Variants in CYRIA observed in about 807,000 individuals in gnomAD.
CYRIA encodes the protein CYFIP-related Rac1 interactor A.
CYRIA carries 15 observed loss-of-function variants against 43.9 expected under a neutral mutation model. The observed-to-expected ratio is 0.34, with a 90% CI of 0.23 to 0.53. The LOEUF is 0.53. Ranked by LOEUF, CYRIA falls within the 20% of genes least tolerant of loss-of-function variation. The pLI is 0.94. For missense variants in CYRIA, 236 were observed against 394.2 expected, an observed-to-expected ratio of 0.60 and a Z score of 3.40; for synonymous variants, 117 against 136.0, an observed-to-expected ratio of 0.86 and a Z score of 0.97.
In CYRIA at chr2:16,617,682, G is replaced by A. The variant is rs111532828; in HGVS notation, c.-11+6182C>T. On this transcript the variant is annotated intron_variant, in intron 2 of 11. Coordinates refer to ENST00000381323, the MANE Select transcript of CYRIA (RefSeq NM_030797.4). ...GGCTGACAGAGGCCTTGCCTGCTACGAAGAGGTGAGAGGTAATTTATCTCC... is the reference window on the plus strand; with the variant it reads ...GGCTGACAGAGGCCTTGCCTGCTACAAAGAGGTGAGAGGTAATTTATCTCC... Among the ~76,000 whole-genome samples the A allele has an allele frequency of 3.9e-5, 6 of 152,338 alleles. 1 individual carries two copies. Among genetic ancestry groups the A allele is most frequent in the South Asian group, 2.1e-4 (1 of 4,830 alleles).
chr2:16,648,603 T>C (rs1266092635), intron 1 of CYRIA, among the ~76,000 whole-genome samples: 1 of 152,238 alleles, frequency 6.6e-6, no homozygotes, highest in Non-Finnish European at 1.5e-5. Flanking sequence ...CTCTCTAGCA[T>C]GCAGCTGAAA....
At chr2:16,615,561 A>G (rs1156338433) in intron 2 of CYRIA, among the ~76,000 whole-genome samples, 1 of 152,140 alleles carries the variant, frequency 6.6e-6, no homozygotes, top group Non-Finnish European at 1.5e-5. Flanking sequence ...CACTCTTTCT[A>G]CAACCAACAC....
chr2:16,613,770 G>A (rs563144761), intron 2 of CYRIA, among the ~76,000 whole-genome samples: 1 of 152,182 alleles, frequency 6.6e-6, no homozygotes. Context: ...TTTTCTAAAC[G>A]TGATTCCACT....
At chr2:16,590,930 CAA>C (rs1667909700) in intron 2 of CYRIA, among the ~76,000 whole-genome samples, 1 of 152,064 alleles carries the variant, frequency 6.6e-6, no homozygotes, top group African/African-American at 2.4e-5. Flanking sequence ...GGGGGATCTG[CAA>C]AGTGAATTGG....
intron 2 of CYRIA, among the ~76,000 whole-genome samples, chr2:16,611,081 C>T (rs771309584): frequency 3.3e-5 from 5 of 151,602 alleles, no homozygotes; most frequent in Admixed American, 2.6e-4. Flanking sequence ...GTGACTAGGC[C>T]GGGGGCCGTG....
intron 1 of CYRIA, among the ~76,000 whole-genome samples, chr2:16,644,934 A>T (rs1669779334): frequency 6.6e-6 from 1 of 152,204 alleles, no homozygotes; most frequent in African/African-American, 2.4e-5. Flanking sequence ...CCTCTTAAAG[A>T]CAAGACTTAT....
chr2:16,576,491 C>G (rs1558409615), intron 3 of CYRIA, among the ~76,000 whole-genome samples: 13 of 152,086 alleles, frequency 8.5e-5, no homozygotes. Flanking sequence ...ATTATTTCAC[C>G]CTGTCTTGGA....
In CYRIA at chr2:16,560,794, T is replaced by G. The variant is rs550565348; in HGVS notation, c.710+196A>C. The G allele has an allele frequency of 3.6e-4, 216 of 593,636 alleles. 2 individuals are homozygous for G. The South Asian group carries it at 4.2e-3, about 12-fold the overall frequency. The allele number at this position is 593,636 out of a possible 1,614,324, so 36.8% of individuals were successfully genotyped here. ...TTGTTGGGAAGTCAGTCAACCACTT[T>G]GGGCCTCAGCTTCTTCAGCTATGCA... On this transcript the variant is annotated intron_variant, in intron 9 of 11. Transcript: ENST00000381323.
chr2:16,574,563 G>T (rs966064788), intron 3 of CYRIA, among the ~76,000 whole-genome samples: 1 of 152,178 alleles, frequency 6.6e-6, no homozygotes, highest in African/African-American at 2.4e-5. Context: ...CCAGGCCCAT[G>T]GTCCCTCTGC....
At chr2:16,555,258 A>G (rs977336911) in intron 10 of CYRIA, 119 bp from the exon 11 acceptor site, 12 of 943,132 alleles carry the variant, frequency 1.3e-5, no homozygotes, top group Non-Finnish European at 1.9e-5. Context: ...AATCCAACGC[A>G]GAAATGACCA....
rs185565936 is a variant in CYRIA, at chr2:16,560,703, T to A, written c.710+287A>T. The A allele has an allele frequency of 8.1e-4, 364 of 449,110 alleles. 5 individuals are homozygous for A. The Admixed American group carries it at 0.011, about 14-fold the overall frequency. The allele number at this position is 449,110 out of a possible 1,614,324, so 27.8% of individuals were successfully genotyped here. ...ATCATTTAACACACCCTCCATTTGGTTCTTACAGATCTTCTACAGCATCTG... is the reference window on the plus strand; with the variant it reads ...ATCATTTAACACACCCTCCATTTGGATCTTACAGATCTTCTACAGCATCTG... On this transcript the variant is annotated intron_variant, in intron 9 of 11. Coordinates refer to ENST00000381323, the MANE Select transcript of CYRIA (RefSeq NM_030797.4).
intron 3 of CYRIA, among the ~76,000 whole-genome samples, chr2:16,583,911 A>G (rs1464510613): frequency 1.3e-5 from 2 of 152,220 alleles, no homozygotes; most frequent in Non-Finnish European, 1.5e-5. Context: ...CAACAGGAAT[A>G]CCTAAGGACA....
intron 3 of CYRIA, among the ~76,000 whole-genome samples, chr2:16,570,983 A>G (rs1667109405): frequency 6.6e-6 from 1 of 152,192 alleles, no homozygotes; most frequent in African/African-American, 2.4e-5. Flanking sequence ...TGTGATTTAC[A>G]TGGGCAGTTT....
intron 2 of CYRIA, among the ~76,000 whole-genome samples, chr2:16,621,606 G>T (rs556017536): frequency 3.1e-4 from 47 of 152,156 alleles, no homozygotes; most frequent in Non-Finnish European, 6.3e-4. Context: ...CATTCCTTCT[G>T]CTCCAATCCT....
intron 2 of CYRIA, among the ~76,000 whole-genome samples, chr2:16,613,710 A>G (rs1424204649): frequency 2.0e-5 from 3 of 152,226 alleles, no homozygotes; most frequent in African/African-American, 4.8e-5. Flanking sequence ...AAATGCAGAA[A>G]TTTGTGAAAA....
chr2:16,657,483 T>G (rs955908412), intron 1 of CYRIA, among the ~76,000 whole-genome samples: 10 of 150,980 alleles, frequency 6.6e-5, no homozygotes, highest in South Asian at 4.2e-4. Context: ...TTTTGTTGTT[T>G]TTTTTTTTTT....
intron 1 of CYRIA, chr2:16,625,735 C>CTG (rs1669142435): frequency 6.6e-6 from 1 of 152,148 alleles, no homozygotes; most frequent in Non-Finnish European, 1.5e-5. Context: ...CACCTTTTGA[C>CTG]TGTGGCTGAG....
At chr2:16,614,725 G>C (rs1558427547) in intron 2 of CYRIA, among the ~76,000 whole-genome samples, 1 of 152,198 alleles carries the variant, frequency 6.6e-6, no homozygotes, top group Non-Finnish European at 1.5e-5. Flanking sequence ...GTGGAAGATG[G>C]AAAATACACT....
chr2:16,663,646 A>G (rs1004382256), intron 1 of CYRIA, among the ~76,000 whole-genome samples: 1 of 151,726 alleles, frequency 6.6e-6, no homozygotes, highest in East Asian at 1.9e-4. Context: ...AGCAAATGCA[A>G]ACTGAATTCT....
Sources: allele counts gnomAD v4.1 joint callset (sites outside exome capture counted in the v4.1 genomes callset), GRCh38; gene constraint gnomAD v4.1.1; transcripts MANE v1.5; gene names NCBI Gene and HGNC (gene_info 2026-07-23, HGNC 2026-07-21).